The following RFC1 variants were observed in gnomAD, a reference collection of about 807,000 sequenced individuals.
RFC1 encodes the protein A1 140 kDa subunit.
In RFC1, 37 loss-of-function variants were observed where a neutral mutation model predicts 137.4. The observed-to-expected ratio is 0.27, with a 90% CI of 0.21 to 0.35. The LOEUF (loss-of-function observed/expected upper bound fraction) is 0.35. Among genes scored for constraint, RFC1 ranks in the 10% least tolerant of loss-of-function variants. The pLI, the probability that RFC1 is intolerant of heterozygous loss-of-function variation, is 1.00. For synonymous variants in RFC1, 429 were observed against 455.7 expected (o/e 0.94, Z 0.75); for missense variants, 1,205 against 1,358.5 (o/e 0.89, Z 1.78).
rs28540377 is a variant in RFC1, at chr4:39,294,919, A to G, written c.2954+695T>C. 6.5e-3 allele frequency among the ~76,000 whole-genome samples: 989 copies of G among 152,088 alleles called. 16 individuals carry two copies. Among genetic ancestry groups the G allele is most frequent in the African/African-American group, 0.022 (933 of 41,500 alleles). On this transcript the variant is annotated intron_variant, in intron 22 of 24. Transcript: ENST00000349703. ...CTCAGGAGGCTGAGGTGGGAGAATC[A>G]CTTAAACCCGGAGGTGGAGGATGCA... is the stretch of plus-strand genomic sequence containing the variant.
At chr4:39,360,554 T>TA (rs1741706151) in intron 1 of RFC1, among the ~76,000 whole-genome samples, 1 of 144,670 alleles carries the variant, frequency 6.9e-6, no homozygotes, top group South Asian at 2.2e-4. Flanking sequence ...TAAAATAAAA[T>TA]AAATACAATA....
chr4:39,292,655 T>TTTAG (rs1253703714), intron 22 of RFC1, among the ~76,000 whole-genome samples: 1 of 133,148 alleles, frequency 7.5e-6, no homozygotes, highest in African/African-American at 2.6e-5. Flanking sequence ...TATTTATTTA[T>TTTAG]TTAAAGACGA....
At position 39,321,345 on chromosome 4, in the gene RFC1, C is replaced by T. The variant is rs142846941; in HGVS notation, c.750G>A (p.Thr250=). Residue 250 remains threonine (T), a synonymous_variant, in exon 8 of 25, where the codon ACG becomes ACA. Coordinates refer to ENST00000349703, the MANE Select transcript of RFC1 (RefSeq NM_002913.5). ...KARKDTEAGE[T]FSSVQANLSK... ...TTAAATTGGCTTGGACAGATGAAAA[C>T]GTTTCTCCCGCTTCTGTGTCCTTTC... 2.6e-4 allele frequency: 422 copies of T among 1,613,668 alleles called. No homozygotes were observed. Among genetic ancestry groups the T allele is most frequent in the Middle Eastern group, 3.3e-4 (2 of 6,052 alleles).
chr4:39,351,360 T>G lies in RFC1; in HGVS notation c.120A>C (p.Ile40=). 6.4e-7 allele frequency: 1 copy of G among 1,558,786 alleles called. No individual in the cohort carries two copies. Among genetic ancestry groups the G allele is most frequent in the Non-Finnish European group, 8.6e-7 (1 of 1,160,612 alleles). Residue 40 remains isoleucine, a synonymous_variant, in exon 2 of 25, where the codon ATA becomes ATC. Coordinates refer to ENST00000349703, the MANE Select transcript of RFC1 (RefSeq NM_002913.5). Reference sequence around the variant, plus strand: ...CCAGAAAACTAACCTTGATTTCCTTTATTCCTTTCTTTGCTTTTAAAGTTT... The same window carrying G: ...CCAGAAAACTAACCTTGATTTCCTTGATTCCTTTCTTTGCTTTTAAAGTTT... ...DEETLKAKKG[I]KEIKVNSSRK...
At chr4:39,297,651 G>C (rs1175312032) in intron 21 of RFC1, 2 of 152,304 alleles carry the variant, frequency 1.3e-5, no homozygotes, top group African/African-American at 4.8e-5. Context: ...CTTGCACAGG[G>C]GCCATGCTAA....
chr4:39,355,583 C>T (rs1294726642), intron 1 of RFC1, among the ~76,000 whole-genome samples: 2 of 152,132 alleles, frequency 1.3e-5, no homozygotes, highest in African/African-American at 2.4e-5. Flanking sequence ...CTAGATGTCA[C>T]AAATAAGCAG....
At chr4:39,330,447 A>G (rs779851008) in intron 4 of RFC1, among the ~76,000 whole-genome samples, 9 of 152,188 alleles carry the variant, frequency 5.9e-5, no homozygotes, top group Non-Finnish European at 1.3e-4. Context: ...CACTACAAGC[A>G]CATTTTCTCT....
At chr4:39,366,093 T>G in intron 1 of RFC1, 146 bp downstream of exon 1, 1 of 836,248 alleles carries the variant, frequency 1.2e-6, no homozygotes, top group South Asian at 2.1e-5. Context: ...CAGTGCCCGG[T>G]GTGCGGCCCC....
At chr4:39,292,539 A>G (rs1301085102) in intron 22 of RFC1, among the ~76,000 whole-genome samples, 2 of 152,134 alleles carry the variant, frequency 1.3e-5, no homozygotes, top group Admixed American at 1.3e-4. Flanking sequence ...GAACAAAACA[A>G]TATTTCAAAT....
chr4:39,320,101 G>A (rs1379261414), intron 9 of RFC1, among the ~76,000 whole-genome samples: 1 of 152,150 alleles, frequency 6.6e-6, no homozygotes, highest in Non-Finnish European at 1.5e-5. Flanking sequence ...TGTAATCCCA[G>A]CACTTTGGGA....
intron 11 of RFC1, 76 bp from the exon 12 acceptor site, chr4:39,311,625 T>C: frequency 9.2e-7 from 1 of 1,081,258 alleles, no homozygotes; most frequent in Non-Finnish European, 1.3e-6. Context: ...AAAAAAAAAT[T>C]CTAGGGCCTA....
intron 24 of RFC1, 158 bp downstream of exon 24, chr4:39,289,690 T>C: frequency 1.7e-6 from 1 of 579,586 alleles, no homozygotes; most frequent in Non-Finnish European, 3.0e-6. Context: ...TTTATAAAAA[T>C]GAAATCTCTA....
At chr4:39,298,237 G>C (rs577865518) in intron 21 of RFC1, among the ~76,000 whole-genome samples, 1 of 149,960 alleles carries the variant, frequency 6.7e-6, no homozygotes, top group South Asian at 2.1e-4. Flanking sequence ...GAGCCCAGGA[G>C]GGCAAGGCTG....
intron 4 of RFC1, among the ~76,000 whole-genome samples, chr4:39,334,315 A>T (rs1401845896): frequency 6.6e-6 from 1 of 152,166 alleles, no homozygotes; most frequent in Non-Finnish European, 1.5e-5. Flanking sequence ...TTGAAGAACG[A>T]GCAGTCCTAC....
At position 39,306,637 on chromosome 4, in the gene RFC1, G is replaced by T; in HGVS notation, c.1950C>A (p.Gly650=). 6.2e-7 allele frequency: 1 copy of T among 1,613,428 alleles called. No homozygotes were observed. Among genetic ancestry groups the T allele is most frequent in the Non-Finnish European group, 8.5e-7 (1 of 1,179,418 alleles). Residue 650 remains glycine, a synonymous_variant, in exon 14 of 25, where the codon GGC becomes GGA. Transcript: ENST00000349703. ...TGGTGGTTTTGCCAACACCAGGAGG[G>T]CCTGACAGCAACGCTGCTTTAAAAC... The part of the protein sequence containing the change: ...GSSFKAALLS[G]PPGVGKTTTA...
In RFC1 at chr4:39,301,102, C is replaced by A. The variant is rs893841259; in HGVS notation, c.2536-688G>T. ...AGCAAGACTCCGAAAAAAAAAAAAC[C>A]AAAAAAAACAAAAACAAAAACAAAA... is the stretch of plus-strand genomic sequence containing the variant. On this transcript the variant is annotated intron_variant, in intron 19 of 24. Transcript: ENST00000349703. Among the ~76,000 whole-genome samples the A allele has an allele frequency of 2.5e-3, 372 of 147,094 alleles. 1 individual carries two copies. Among genetic ancestry groups the A allele is most frequent in the Non-Finnish European group, 3.2e-3 (215 of 66,654 alleles).
At chr4:39,303,297 A>AC in intron 15 of RFC1, 146 bp from the exon 16 acceptor site, 2 of 569,374 alleles carry the variant, frequency 3.5e-6, no homozygotes, top group African/African-American at 1.9e-5. Context: ...GTGTTGTTAA[A>AC]GAAAAAAAAA....
At chr4:39,344,612 T>C (rs1468003856) in intron 3 of RFC1, among the ~76,000 whole-genome samples, 2 of 152,050 alleles carry the variant, frequency 1.3e-5, no homozygotes, top group Admixed American at 1.3e-4. Flanking sequence ...AATTATAAAA[T>C]TTCATCTCTA....
At chr4:39,330,483 C>T (rs1740040070) in intron 4 of RFC1, among the ~76,000 whole-genome samples, 2 of 152,128 alleles carry the variant, frequency 1.3e-5, no homozygotes, top group African/African-American at 4.8e-5. Context: ...ACCCCTCCCT[C>T]CAAGGGCCTC....
Sources: allele counts gnomAD v4.1 joint callset (sites outside exome capture counted in the v4.1 genomes callset), GRCh38; gene constraint gnomAD v4.1.1; transcripts MANE v1.5; gene names NCBI Gene and HGNC (gene_info 2026-07-23, HGNC 2026-07-21).